Variants in RBFOX1 observed in about 807,000 individuals in gnomAD.
RBFOX1 encodes the protein RNA binding protein fox-1 homolog 1.
A neutral mutation model predicts 57.7 loss-of-function variants in RBFOX1; 8 were observed. That is an observed-to-expected ratio of 0.14 (90% CI 0.08 to 0.25). The LOEUF (loss-of-function observed/expected upper bound fraction) is 0.25, where lower values mean the gene tolerates loss of function less well. Among genes scored for constraint, RBFOX1 ranks in the 10% least tolerant of loss-of-function variants. The pLI is 1.00. For missense variants in RBFOX1, 611 were observed against 548.5 expected (o/e 1.11, Z -1.14); for synonymous variants, 326 against 222.4 (o/e 1.47, Z -4.15).
At chr16:5,644,766 A>G (rs748564806) in intron 3 of RBFOX1, among the ~76,000 whole-genome samples, 10 of 152,228 alleles carry the variant, frequency 6.6e-5, no homozygotes, top group Non-Finnish European at 4.4e-5. Flanking sequence ...TGAATATACC[A>G]TGTTTTGTGT....
At chr16:7,501,955 G>C (rs1043736452) in intron 4 of RBFOX1, among the ~76,000 whole-genome samples, 2 of 152,140 alleles carry the variant, frequency 1.3e-5, no homozygotes, top group Admixed American at 1.3e-4. Flanking sequence ...ACATCCAACA[G>C]ATACTCAATA....
rs1374784819 is a variant in RBFOX1, at chr16:6,865,624, G to C, written c.-15-186433G>C. Among the ~76,000 whole-genome samples, 3 of 152,218 alleles carry C rather than the reference G, an allele frequency of 2.0e-5. No homozygotes were observed. The East Asian group carries it at 5.8e-4, about 29-fold the overall frequency. ...ATTTTTTAATTTAATAAGATACTAT[G>C]GACTGAGATGTATTCTTCATGACGT... On this transcript the variant is annotated intron_variant, in intron 3 of 15. Transcript: ENST00000550418.
intron 2 of RBFOX1, among the ~76,000 whole-genome samples, chr16:6,495,523 A>G (rs2095746723): frequency 6.6e-6 from 1 of 152,192 alleles, no homozygotes; most frequent in South Asian, 2.1e-4. Context: ...TTTAGAGTAA[A>G]CATCTATTGA....
chr16:5,700,204 A>G (rs2050995464), intron 3 of RBFOX1, among the ~76,000 whole-genome samples: 1 of 152,232 alleles, frequency 6.6e-6, no homozygotes, highest in African/African-American at 2.4e-5. Context: ...CAGCATTTAA[A>G]AAGAATGCAA....
intron 3 of RBFOX1, among the ~76,000 whole-genome samples, chr16:5,808,558 A>C (rs181322740): frequency 7.9e-5 from 12 of 152,242 alleles, no homozygotes; most frequent in African/African-American, 2.9e-4. Flanking sequence ...TGATCATGGA[A>C]TGTTCTTCCA....
chr16:7,006,006 G>A (rs1012046927), intron 3 of RBFOX1, among the ~76,000 whole-genome samples: 2 of 152,068 alleles, frequency 1.3e-5, no homozygotes, highest in African/African-American at 4.8e-5. Context: ...CTAAGAAGCT[G>A]GACAGCATCT....
rs112428034 is a variant in RBFOX1 at position 7,118,392 on chromosome 16, C to G, written c.27+66294C>G. ...GCCATTTGTTGGCTATTCTCATCTT[C>G]TGAGAAATGCCTGTTCAAGTCAGAG... On this transcript the variant is annotated intron_variant, in intron 4 of 15. Transcript: ENST00000550418. Among the ~76,000 whole-genome samples, 363 of 152,042 alleles carry G rather than the reference C, an allele frequency of 2.4e-3. 2 individuals are homozygous for G. Among genetic ancestry groups the G allele is most frequent in the Admixed American group, 4.5e-3 (68 of 15,262 alleles).
chr16:5,940,252 CT>C (rs952441505), intron 4 of RBFOX1, among the ~76,000 whole-genome samples: 3 of 152,216 alleles, frequency 2.0e-5, no homozygotes, highest in African/African-American at 7.2e-5. Context: ...TCACTTTCTA[CT>C]TCTGAGTCGC....
At chr16:6,583,177 C>A (rs558655547) in intron 2 of RBFOX1, among the ~76,000 whole-genome samples, 7 of 152,306 alleles carry the variant, frequency 4.6e-5, no homozygotes, top group South Asian at 2.1e-4. Flanking sequence ...TTGGTTGCTT[C>A]AGCAAAAGGC....
At chr16:7,625,402 C>A (rs534801268) in intron 10 of RBFOX1, among the ~76,000 whole-genome samples, 2 of 152,236 alleles carry the variant, frequency 1.3e-5, no homozygotes, top group East Asian at 1.9e-4. Flanking sequence ...CACCTAGAAC[C>A]TTTACCCTTA....
At chr16:6,490,854 A>G (rs2095616665) in intron 2 of RBFOX1, among the ~76,000 whole-genome samples, 1 of 152,238 alleles carries the variant, frequency 6.6e-6, no homozygotes, top group East Asian at 1.9e-4. Flanking sequence ...ATCCCATTGC[A>G]GAACTGTCAA....
intron 2 of RBFOX1, among the ~76,000 whole-genome samples, chr16:6,644,545 G>C (rs1277766435): frequency 6.6e-6 from 1 of 152,158 alleles, no homozygotes; most frequent in African/African-American, 2.4e-5. Context: ...AAGCTGTCCT[G>C]TATTTCCTAT....
In RBFOX1 at chr16:6,882,823, G is replaced by A. The variant is rs572374894; in HGVS notation, c.-15-169234G>A. On this transcript the variant is annotated intron_variant, in intron 3 of 15. Coordinates refer to ENST00000550418, the MANE Select transcript of RBFOX1 (RefSeq NM_018723.4). Reference sequence around the variant, plus strand: ...GGGGGTATCAATTCTCTGTTTCTTTGCCCCTTTTCAGAGGCTTTATGTTCA... The same window carrying A: ...GGGGGTATCAATTCTCTGTTTCTTTACCCCTTTTCAGAGGCTTTATGTTCA... Among the ~76,000 whole-genome samples the A allele has an allele frequency of 7.9e-5, 12 of 152,028 alleles. 1 individual carries two copies. The South Asian group carries it at 2.5e-3, about 32-fold the overall frequency.
chr16:6,872,339 C>G (rs78061648), intron 3 of RBFOX1, among the ~76,000 whole-genome samples: 5 of 152,156 alleles, frequency 3.3e-5, no homozygotes, highest in Non-Finnish European at 5.9e-5. Context: ...CCTCCCTTCT[C>G]TCTGTTTCTC....
chr16:6,466,074 T>G (rs1322104767), intron 2 of RBFOX1, among the ~76,000 whole-genome samples: 1 of 151,796 alleles, frequency 6.6e-6, no homozygotes, highest in Non-Finnish European at 1.5e-5. Context: ...ACTAAAAATA[T>G]GAAAATTAGC....
chr16:5,655,158 G>A (rs561101868), intron 3 of RBFOX1, among the ~76,000 whole-genome samples: 3 of 152,270 alleles, frequency 2.0e-5, no homozygotes, highest in African/African-American at 7.2e-5. Context: ...TTTGCTATCT[G>A]GAATTTAGCC....
chr16:7,223,055 A>G (rs1037214152), intron 4 of RBFOX1, among the ~76,000 whole-genome samples: 2 of 152,196 alleles, frequency 1.3e-5, no homozygotes, highest in Non-Finnish European at 2.9e-5. Flanking sequence ...CTGATTGCAG[A>G]TGCGATTCTC....
chr16:5,821,890 C>T (rs80065638), intron 3 of RBFOX1, among the ~76,000 whole-genome samples: 1,704 of 152,240 alleles, frequency 0.011, 17 homozygotes, highest in African/African-American at 0.026. Flanking sequence ...TTATAAGGCA[C>T]GGAGCCTTCA....
intron 2 of RBFOX1, among the ~76,000 whole-genome samples, chr16:6,499,162 G>T (rs1178402829): frequency 6.6e-6 from 1 of 152,180 alleles, no homozygotes; most frequent in Admixed American, 6.5e-5. Context: ...CTGGATGCTG[G>T]TGGACTGCAT....
Sources: gnomAD v4.1 joint callset for allele counts (sites outside exome capture counted in the v4.1 genomes callset) on GRCh38, gnomAD v4.1.1 for gene constraint, MANE v1.5 for transcripts, NCBI Gene and HGNC (gene_info 2026-07-23, HGNC 2026-07-21) for gene names.